The following VTI1A variants were observed in gnomAD, a reference collection of about 807,000 sequenced individuals.
VTI1A encodes vesicle transport through interaction with t-SNAREs 1A.
Under a neutral mutation model 34.9 loss-of-function variants are expected in VTI1A, and 22 were observed. The observed-to-expected ratio is 0.63, with a 90% CI of 0.45 to 0.90. VTI1A has a LOEUF of 0.90. Ranked by LOEUF, VTI1A falls within the 40% of genes least tolerant of loss-of-function variation. The pLI is 0.00. For missense variants in VTI1A, 268 were observed against 275.6 expected (o/e 0.97, Z 0.20); for synonymous variants, 87 against 97.3 (o/e 0.89, Z 0.62).
chr10:112,550,969 C>A (rs963212015), intron 5 of VTI1A, among the ~76,000 whole-genome samples: 1 of 152,096 alleles, frequency 6.6e-6, no homozygotes, highest in Non-Finnish European at 1.5e-5. Flanking sequence ...CACGGCCGGG[C>A]GCGGTGGCTC....
At chr10:112,516,737 G>GA (rs1589852091) in intron 3 of VTI1A, among the ~76,000 whole-genome samples, 1 of 152,050 alleles carries the variant, frequency 6.6e-6, no homozygotes, top group South Asian at 2.1e-4. Context: ...TAGATATTCT[G>GA]AAAAATAAGG....
intron 5 of VTI1A, among the ~76,000 whole-genome samples, chr10:112,541,166 C>T (rs1344167025): frequency 6.6e-6 from 1 of 151,964 alleles, no homozygotes; most frequent in East Asian, 1.9e-4. Context: ...AAATTGGCAT[C>T]CCTATTTTAG....
chr10:112,706,220 CT>C (rs1225426266), intron 7 of VTI1A, among the ~76,000 whole-genome samples: 1 of 152,148 alleles, frequency 6.6e-6, no homozygotes, highest in African/African-American at 2.4e-5. Flanking sequence ...GAGAACATGT[CT>C]TTTAGTTATT....
intron 7 of VTI1A, among the ~76,000 whole-genome samples, chr10:112,815,012 C>T (rs1853460943): frequency 6.6e-6 from 1 of 151,798 alleles, no homozygotes; most frequent in African/African-American, 2.4e-5. Flanking sequence ...CCTCGAAAGC[C>T]ATTTGATTCG....
rs1422881014 is a variant in VTI1A, at chr10:112,502,043, T to TC, written c.265-25044_265-25043insC. On this transcript the variant is annotated intron_variant, in intron 3 of 7. Coordinates refer to ENST00000393077, the MANE Select transcript of VTI1A (RefSeq NM_145206.4). ...TCCTTACTTTTTTTTTTTTTTTTTTTTGGAGACAGGGTCTTGTTCTATTAC... is the reference window on the plus strand; with the variant it reads ...TCCTTACTTTTTTTTTTTTTTTTTTTCTGGAGACAGGGTCTTGTTCTATTAC... Among the ~76,000 whole-genome samples the TC allele has an allele frequency of 1.4e-3, 216 of 150,204 alleles. 2 individuals carry two copies. The highest frequency in any genetic ancestry group is 4.9e-3 in the African/African-American group (200 of 40,926).
chr10:112,686,377 A>C (rs1393437734), intron 7 of VTI1A, among the ~76,000 whole-genome samples: 1 of 152,192 alleles, frequency 6.6e-6, no homozygotes, highest in Non-Finnish European at 1.5e-5. Context: ...TAGGGGCAGC[A>C]TTAGGATCCA....
At chr10:112,531,063 TCACACACACACACACA>T (rs10670312) in intron 4 of VTI1A, among the ~76,000 whole-genome samples, 13 of 139,920 alleles carry the variant, frequency 9.3e-5, no homozygotes, top group African/African-American at 3.0e-4. Flanking sequence ...GTGACACACC[TCACACACACACACACA>T]CACACACACA....
the VTI1A span, among the ~76,000 whole-genome samples, chr10:112,839,863 G>A: frequency 1.3e-5 from 2 of 152,316 alleles, no homozygotes; most frequent in South Asian, 4.1e-4. Flanking sequence ...AGGGGATAGA[G>A]GATGAGTGGT....
intron 7 of VTI1A, among the ~76,000 whole-genome samples, chr10:112,786,339 G>A (rs192941005): frequency 9.9e-5 from 15 of 152,162 alleles, no homozygotes; most frequent in East Asian, 3.9e-4. Flanking sequence ...GTATTTTGTC[G>A]ATCTCTTAGG....
At chr10:112,801,953 CAAAT>C (rs1055517305) in intron 7 of VTI1A, among the ~76,000 whole-genome samples, 3 of 152,200 alleles carry the variant, frequency 2.0e-5, no homozygotes, top group Admixed American at 6.5e-5. Flanking sequence ...ACTACCAACA[CAAAT>C]AAACTTGCAG....
rs1470418356 is a variant in VTI1A at position 112,642,573 on chromosome 10, C to T, written c.428-25645C>T. Among the ~76,000 whole-genome samples the T allele has an allele frequency of 4.4e-5, 3 of 67,708 alleles. No individual in the cohort carries two copies. The East Asian group carries it at 8.8e-4, about 20-fold the overall frequency. 44.4% of individuals were successfully genotyped at this position (67,708 alleles called of 152,430 possible). ...GTATTCATAGCATTCAGTATATCAG[C>T]ACATATATACGTATACACTCATAGT... is the stretch of plus-strand genomic sequence containing the variant. On this transcript the variant is annotated intron_variant, in intron 5 of 7. Coordinates refer to ENST00000393077, the MANE Select transcript of VTI1A (RefSeq NM_145206.4).
At chr10:112,633,200 T>A (rs1846206202) in intron 5 of VTI1A, among the ~76,000 whole-genome samples, 1 of 152,128 alleles carries the variant, frequency 6.6e-6, no homozygotes, top group African/African-American at 2.4e-5. Context: ...AAAGCCACTT[T>A]TCTAGGTCTT....
intron 7 of VTI1A, among the ~76,000 whole-genome samples, chr10:112,696,941 T>C (rs2133891074): frequency 6.6e-6 from 1 of 152,346 alleles, no homozygotes; most frequent in South Asian, 2.1e-4. Flanking sequence ...ATTGTGTGTT[T>C]TCCTCTTGCC....
At chr10:112,636,637 G>A (rs1846362031) in intron 5 of VTI1A, among the ~76,000 whole-genome samples, 3 of 150,846 alleles carry the variant, frequency 2.0e-5, no homozygotes, top group Admixed American at 6.6e-5. Context: ...ACTGAGGCAC[G>A]AGAATTGCTT....
At chr10:112,750,035 G>A (rs974677156) in intron 7 of VTI1A, among the ~76,000 whole-genome samples, 13 of 152,218 alleles carry the variant, frequency 8.5e-5, no homozygotes, top group African/African-American at 3.1e-4. Flanking sequence ...ACAGGGACAA[G>A]CTTCAGGTTA....
At chr10:112,721,126 C>T (rs901985621) in intron 7 of VTI1A, among the ~76,000 whole-genome samples, 9 of 152,184 alleles carry the variant, frequency 5.9e-5, no homozygotes, top group African/African-American at 2.2e-4. Context: ...TTTTCAATGG[C>T]ACCTACATAG....
chr10:112,798,040 C>A (rs1414632533), intron 7 of VTI1A, among the ~76,000 whole-genome samples: 2 of 98,740 alleles, frequency 2.0e-5, no homozygotes, highest in African/African-American at 6.3e-5. Flanking sequence ...ACACACTGTG[C>A]AGGTTAGTAA....
rs185314133 is a variant in VTI1A, at chr10:112,707,419, C to T, written c.560+38421C>T. Reference sequence around the variant, plus strand: ...TGCGATCTTGGCTAACTGCAACCTCCGCCTCCCAGGTTCAAGCAATTCTCC... The same window carrying T: ...TGCGATCTTGGCTAACTGCAACCTCTGCCTCCCAGGTTCAAGCAATTCTCC... On this transcript the variant is annotated intron_variant, in intron 7 of 7. Coordinates refer to ENST00000393077, the MANE Select transcript of VTI1A (RefSeq NM_145206.4). Among the ~76,000 whole-genome samples the T allele has an allele frequency of 2.5e-3, 373 of 152,188 alleles. 3 individuals are homozygous for T. The highest frequency in any genetic ancestry group is 8.3e-3 in the African/African-American group (345 of 41,522).
chr10:112,717,250 A>G (rs1235072000), intron 7 of VTI1A, among the ~76,000 whole-genome samples: 1 of 152,182 alleles, frequency 6.6e-6, no homozygotes, highest in African/African-American at 2.4e-5. Context: ...CTTGGCTCCA[A>G]ATATGATGTG....
Sources: allele counts gnomAD v4.1 joint callset (sites outside exome capture counted in the v4.1 genomes callset), GRCh38; gene constraint gnomAD v4.1.1; transcripts MANE v1.5; gene names NCBI Gene and HGNC (gene_info 2026-07-23, HGNC 2026-07-21).